CNGB1: variants seen among roughly 807,000 people sequenced by gnomAD.
CNGB1 encodes cyclic nucleotide gated channel subunit beta 1.
A neutral mutation model predicts 151.7 loss-of-function variants in CNGB1; 126 were observed. The observed-to-expected ratio is 0.83, with a 90% confidence interval of 0.72 to 0.96. The LOEUF (loss-of-function observed/expected upper bound fraction) is 0.96. Among genes scored for constraint, CNGB1 ranks in the 40% least tolerant of loss-of-function variants. CNGB1 has a pLI of 0.00. For missense variants in CNGB1, 1,698 were observed against 1,627.0 expected, an observed-to-expected ratio of 1.04 and a Z score of -0.75; for synonymous variants, 623 against 635.1, an observed-to-expected ratio of 0.98 and a Z score of 0.29.
chr16:57,969,531 T>C (rs1254034083), intron 1 of CNGB1, among the ~76,000 whole-genome samples: 1 of 151,950 alleles, frequency 6.6e-6, no homozygotes, highest in African/African-American at 2.4e-5. Context: ...GGCACGAGAA[T>C]CACTGGAGCC....
chr16:57,895,370 C>A (rs1194130111), intron 31 of CNGB1, among the ~76,000 whole-genome samples: 3 of 151,616 alleles, frequency 2.0e-5, no homozygotes, highest in Non-Finnish European at 2.9e-5. Flanking sequence ...CCACTGCACT[C>A]CAGCCTGGGT....
At chr16:57,963,767 ACT>A (rs558711796) in intron 4 of CNGB1, among the ~76,000 whole-genome samples, 32 of 152,288 alleles carry the variant, frequency 2.1e-4, no homozygotes, top group African/African-American at 7.7e-4. Context: ...GCTCTGACCC[ACT>A]GTTTCTTTTG....
chr16:57,925,813 G>A (rs1426519126), intron 17 of CNGB1, among the ~76,000 whole-genome samples: 1 of 152,072 alleles, frequency 6.6e-6, no homozygotes, highest in Non-Finnish European at 1.5e-5. Context: ...TCAGCCTCTT[G>A]AGTAGCTGAG....
At chr16:57,958,900 G>A (rs940450244) in intron 10 of CNGB1, among the ~76,000 whole-genome samples, 2 of 150,466 alleles carry the variant, frequency 1.3e-5, no homozygotes, top group Non-Finnish European at 2.9e-5. Flanking sequence ...TGGGACTACA[G>A]GCACATGCCA....
Position 57,933,366 on chromosome 16 carries a change from C to T in CNGB1, c.1373-1488G>A, listed in dbSNP as rs538476987. Among the ~76,000 whole-genome samples the T allele has an allele frequency of 1.7e-3, 255 of 152,264 alleles. 1 individual carries two copies. Among genetic ancestry groups the T allele is most frequent in the African/African-American group, 5.8e-3 (242 of 41,550 alleles). ...TCCTTGTTCTTGTACATGCCAGGGGCCCCCAAATTCATCAGCTAGCCTGAC... is the reference window on the plus strand; with the variant it reads ...TCCTTGTTCTTGTACATGCCAGGGGTCCCCAAATTCATCAGCTAGCCTGAC... On this transcript the variant is annotated intron_variant, in intron 16 of 32. Coordinates refer to ENST00000251102, the MANE Select transcript of CNGB1 (RefSeq NM_001297.5).
intron 25 of CNGB1, among the ~76,000 whole-genome samples, chr16:57,905,304 C>T (rs1261361405): frequency 2.6e-5 from 4 of 152,196 alleles, no homozygotes; most frequent in Non-Finnish European, 5.9e-5. Context: ...CAAGTTTGGA[C>T]GATATCTTGA....
At chr16:57,963,129 C>A in intron 4 of CNGB1, 65 bp from the exon 5 acceptor site, 1 of 1,191,698 alleles carries the variant, frequency 8.4e-7, no homozygotes, top group Non-Finnish European at 1.3e-6. Flanking sequence ...CCTCGAGGCC[C>A]AAGACACTAG....
chr16:57,932,550 C>T (rs1254836516), intron 16 of CNGB1, among the ~76,000 whole-genome samples: 5 of 151,482 alleles, frequency 3.3e-5, no homozygotes, highest in Admixed American at 6.6e-5. Context: ...CTACAGGCTC[C>T]CGCCACCACG....
intron 12 of CNGB1, 130 bp from the exon 13 acceptor site, chr16:57,950,670 G>A: frequency 1.1e-6 from 1 of 902,634 alleles, no homozygotes; most frequent in East Asian, 2.5e-5. Flanking sequence ...CATGCAGTGG[G>A]GAAATGGCAC....
At chr16:57,886,975 A>G (rs540035566) in intron 32 of CNGB1, among the ~76,000 whole-genome samples, 1 of 152,274 alleles carries the variant, frequency 6.6e-6, no homozygotes, top group African/African-American at 2.4e-5. Flanking sequence ...CCTGGGCTCA[A>G]GTGATGCTCC....
chr16:57,941,939 C>T (rs183450310), intron 14 of CNGB1, among the ~76,000 whole-genome samples: 3 of 152,278 alleles, frequency 2.0e-5, no homozygotes, highest in African/African-American at 4.8e-5. Context: ...ACAGCCTCAA[C>T]CTCCCAGGCT....
chr16:57,933,090 G>A (rs769309784), intron 16 of CNGB1, among the ~76,000 whole-genome samples: 4 of 151,878 alleles, frequency 2.6e-5, no homozygotes, highest in Admixed American at 6.6e-5. Context: ...CACCATGCTC[G>A]GCTAATTTTT....
chr16:57,948,323 T>C (rs1423670773), intron 14 of CNGB1, among the ~76,000 whole-genome samples: 1 of 151,678 alleles, frequency 6.6e-6, no homozygotes, highest in African/African-American at 2.4e-5. Flanking sequence ...CTTCTTTTTT[T>C]TTTTTTTTTT....
At chr16:57,914,258 C>A (rs982027180) in intron 23 of CNGB1, among the ~76,000 whole-genome samples, 10 of 152,184 alleles carry the variant, frequency 6.6e-5, no homozygotes, top group African/African-American at 2.4e-4. Context: ...GTGGACCCAA[C>A]CTTCCTCACT....
intron 14 of CNGB1, among the ~76,000 whole-genome samples, chr16:57,943,775 A>G (rs1396914381): frequency 6.6e-6 from 1 of 152,222 alleles, no homozygotes; most frequent in Non-Finnish European, 1.5e-5. Flanking sequence ...AGAATACGGA[A>G]GTTCCACCAA....
intron 14 of CNGB1, among the ~76,000 whole-genome samples, chr16:57,948,821 A>C (rs1961871959): frequency 6.6e-6 from 1 of 151,994 alleles, no homozygotes; most frequent in Non-Finnish European, 1.5e-5. Context: ...TTTTAACTGA[A>C]CTCTTCTGTG....
At chr16:57,909,729 T>C (rs566768458) in intron 25 of CNGB1, among the ~76,000 whole-genome samples, 22 of 152,332 alleles carry the variant, frequency 1.4e-4, no homozygotes, top group African/African-American at 5.3e-4. Flanking sequence ...TGGTGACTTT[T>C]GGTGGAATCA....
chr16:57,950,753 A>T (rs528507001), intron 12 of CNGB1, among the ~76,000 whole-genome samples: 1 of 152,314 alleles, frequency 6.6e-6, no homozygotes, highest in Non-Finnish European at 1.5e-5. Flanking sequence ...CTCTGTCTCC[A>T]TTATTTTCCC....
At chr16:57,906,299 C>G (rs945993432) in intron 25 of CNGB1, among the ~76,000 whole-genome samples, 5 of 152,216 alleles carry the variant, frequency 3.3e-5, no homozygotes, top group Non-Finnish European at 7.3e-5. Context: ...AAATGAGGTG[C>G]TAGAAGAAGC....
Sources: gnomAD v4.1 joint callset for allele counts (sites outside exome capture counted in the v4.1 genomes callset) on GRCh38, gnomAD v4.1.1 for gene constraint, MANE v1.5 for transcripts, NCBI Gene and HGNC (gene_info 2026-07-23, HGNC 2026-07-21) for gene names.